The following GPC6 variants were observed in gnomAD, a reference collection of about 807,000 sequenced individuals.
GPC6 encodes glypican 6.
In GPC6, 14 loss-of-function variants were observed where a neutral mutation model predicts 55.2. The observed-to-expected ratio is 0.25, with a 90% CI of 0.17 to 0.40. GPC6 has a LOEUF of 0.40. Ranked by LOEUF, GPC6 falls within the 10% of genes least tolerant of loss-of-function variation. GPC6 has a pLI of 1.00. For synonymous variants in GPC6, 278 were observed against 259.6 expected, an observed-to-expected ratio of 1.07 and a Z score of -0.68; for missense variants, 641 against 708.5, an observed-to-expected ratio of 0.90 and a Z score of 1.08.
chr13:93,719,236 GT>G (rs1229144436), intron 2 of GPC6, among the ~76,000 whole-genome samples: 2 of 152,020 alleles, frequency 1.3e-5, no homozygotes, highest in Non-Finnish European at 2.9e-5. Context: ...TTTTCCATTA[GT>G]TTGTGTCCTC....
intron 3 of GPC6, among the ~76,000 whole-genome samples, chr13:93,962,074 A>C (rs532090644): frequency 3.3e-5 from 5 of 152,178 alleles, no homozygotes; most frequent in Non-Finnish European, 5.9e-5. Context: ...ACAATTAAAG[A>C]AACAAGTTCA....
chr13:94,246,662 T>A (rs1324680198), intron 4 of GPC6, among the ~76,000 whole-genome samples: 1 of 152,110 alleles, frequency 6.6e-6, no homozygotes, highest in Non-Finnish European at 1.5e-5. Context: ...GAAAAGTAGT[T>A]GATTATATAT....
chr13:94,116,382 C>A (rs595509), intron 4 of GPC6, among the ~76,000 whole-genome samples: 19,944 of 151,940 alleles, frequency 0.13, 1,602 homozygotes, highest in East Asian at 0.32. Flanking sequence ...AAAAGAAGTC[C>A]CAATTGTCAT....
intron 2 of GPC6, among the ~76,000 whole-genome samples, chr13:93,646,765 C>CAAGTTTAACTGCAT (rs549148439): frequency 1.1e-3 from 162 of 151,230 alleles, no homozygotes; most frequent in African/African-American, 3.9e-3. Context: ...GATAGAAGCA[C>CAAGTTTAACTGCAT]AAGTTTAACT....
intron 2 of GPC6, among the ~76,000 whole-genome samples, chr13:93,573,589 C>T (rs1222967609): frequency 6.6e-6 from 1 of 151,960 alleles, no homozygotes; most frequent in Non-Finnish European, 1.5e-5. Context: ...GAACACACAC[C>T]TAGGAAAGCA....
At chr13:93,547,720 G>T (rs1874903649) in intron 2 of GPC6, among the ~76,000 whole-genome samples, 1 of 150,594 alleles carries the variant, frequency 6.6e-6, no homozygotes, top group African/African-American at 2.4e-5. Context: ...TTCAGCCAGA[G>T]TGGGAAAAAA....
At chr13:93,952,843 C>CAT (rs1156750950) in intron 3 of GPC6, among the ~76,000 whole-genome samples, 4 of 142,362 alleles carry the variant, frequency 2.8e-5, no homozygotes, top group Non-Finnish European at 4.6e-5. Context: ...ATATATCACA[C>CAT]ATATATATAC....
chr13:93,761,911 A>G lies in GPC6; in HGVS notation c.320-68243A>G, dbSNP rs576991370. 2.6e-5 allele frequency among the ~76,000 whole-genome samples: 4 copies of G among 152,266 alleles called. No individual in the cohort carries two copies. In the South Asian group the frequency reaches 8.3e-4, roughly 32 times the overall value. ...CACTCTTTTAGCTTTTTGGAAATAT[A>G]CATTATTATTAACCATAGTTGCCAT... On this transcript the variant is annotated intron_variant, in intron 2 of 8. Coordinates refer to ENST00000377047, the MANE Select transcript of GPC6 (RefSeq NM_005708.5).
At chr13:93,843,147 C>T (rs1294728649) in intron 3 of GPC6, among the ~76,000 whole-genome samples, 1 of 149,218 alleles carries the variant, frequency 6.7e-6, no homozygotes, top group Non-Finnish European at 1.5e-5. Context: ...GATTTGTTTG[C>T]TGCCGATATA....
At chr13:94,306,270 G>C (rs1243054450) in intron 6 of GPC6, 147 bp downstream of exon 6, 1 of 805,772 alleles carries the variant, frequency 1.2e-6, no homozygotes, top group Non-Finnish European at 2.1e-6. Context: ...ATATTGAAAA[G>C]TAATGGGATC....
chr13:93,414,248 T>C (rs1876611235), intron 1 of GPC6, among the ~76,000 whole-genome samples: 1 of 152,132 alleles, frequency 6.6e-6, no homozygotes, highest in African/African-American at 2.4e-5. Context: ...TGCTTCTCAA[T>C]TTCCCTAACC....
chr13:94,277,567 T>G (rs2139073052), intron 4 of GPC6, among the ~76,000 whole-genome samples: 1 of 152,374 alleles, frequency 6.6e-6, no homozygotes, highest in South Asian at 2.1e-4. Flanking sequence ...GTTTTGAGTC[T>G]TACATTTAAG....
At chr13:94,214,838 T>C (rs1372880180) in intron 4 of GPC6, among the ~76,000 whole-genome samples, 1 of 152,230 alleles carries the variant, frequency 6.6e-6, no homozygotes, top group African/African-American at 2.4e-5. Context: ...TGGTAGTCTG[T>C]TCTCCCAAGG....
chr13:93,479,617 C>CCA (rs61435072), intron 1 of GPC6, among the ~76,000 whole-genome samples: 2 of 145,498 alleles, frequency 1.4e-5, no homozygotes, highest in African/African-American at 5.1e-5. Context: ...GACCCCCCCC[C>CCA]ATCTCTACTA....
At chr13:93,889,428 CA>C (rs1455824999) in intron 3 of GPC6, among the ~76,000 whole-genome samples, 3 of 152,056 alleles carry the variant, frequency 2.0e-5, no homozygotes, top group African/African-American at 7.2e-5. Context: ...TAGTACTCAG[CA>C]AATGCAATCT....
At chr13:93,623,245 A>G (rs1173136291) in intron 2 of GPC6, among the ~76,000 whole-genome samples, 1 of 152,132 alleles carries the variant, frequency 6.6e-6, no homozygotes, top group East Asian at 1.9e-4. Flanking sequence ...AGGAGTGCAG[A>G]TATCTCCTTG....
chr13:93,491,796 AT>A (rs1880018557), intron 1 of GPC6, among the ~76,000 whole-genome samples: 2 of 129,338 alleles, frequency 1.5e-5, no homozygotes, highest in African/African-American at 5.8e-5. Flanking sequence ...CCCATTGCTT[AT>A]TTTTCTGAGG....
chr13:93,808,980 G>C (rs774517030), intron 2 of GPC6, among the ~76,000 whole-genome samples: 3 of 152,154 alleles, frequency 2.0e-5, no homozygotes, highest in Non-Finnish European at 4.4e-5. Context: ...CTTAGTGAAG[G>C]GTGGTTGAAT....
intron 6 of GPC6, among the ~76,000 whole-genome samples, chr13:94,349,415 T>A (rs1878430051): frequency 6.6e-6 from 1 of 152,198 alleles, no homozygotes; most frequent in South Asian, 2.1e-4. Context: ...ACACCAACCC[T>A]GAAGTTATCA....
Sources: allele counts gnomAD v4.1 joint callset (sites outside exome capture counted in the v4.1 genomes callset), GRCh38; gene constraint gnomAD v4.1.1; transcripts MANE v1.5; gene names NCBI Gene and HGNC (gene_info 2026-07-23, HGNC 2026-07-21).